BPIFA1: variants seen among roughly 807,000 people sequenced by gnomAD.
BPIFA1 encodes the protein BPI fold-containing family A member 1.
A neutral mutation model predicts 25.1 loss-of-function variants in BPIFA1; 24 were observed. The ratio of observed to expected loss-of-function variants is 0.96; its 90% CI spans 0.69 to 1.35. The LOEUF (loss-of-function observed/expected upper bound fraction) is 1.35, where lower values mean the gene tolerates loss of function less well. Ranked by LOEUF, BPIFA1 falls within the 40% of genes most tolerant of loss-of-function variation. The probability of loss-of-function intolerance (pLI) is 0.00; values close to 1 mark genes in which losing one functional copy is unlikely to be tolerated. For synonymous variants in BPIFA1, 139 were observed against 131.8 expected (o/e 1.05, Z -0.37); for missense variants, 344 against 303.7 (o/e 1.13, Z -0.99).
chr20:33,240,637 T>G (rs1568631663), intron 5 of BPIFA1, among the ~76,000 whole-genome samples: 1 of 138,484 alleles, frequency 7.2e-6, no homozygotes, highest in African/African-American at 2.7e-5. Flanking sequence ...GATGGATGGA[T>G]AGATAGATGA....
In BPIFA1 at chr20:33,242,530, C is replaced by T. The variant is rs757609021; in HGVS notation, c.*3C>T. 4 of 1,614,070 alleles carry T rather than the reference C, an allele frequency of 2.5e-6. No homozygotes were observed. Among genetic ancestry groups the T allele is most frequent in the Non-Finnish European group, 1.7e-6 (2 of 1,179,932 alleles). ...TACAGTTTGTCATCAAGGTCTAAGC[C>T]TTCCAGGAAGGGGCTGGCCTCTGCT... On this transcript the variant is annotated 3_prime_UTR_variant, in exon 8 of 9. Coordinates refer to ENST00000354297, the MANE Select transcript of BPIFA1 (RefSeq NM_130852.3).
intron 8 of BPIFA1, 30 bp downstream of exon 8, chr20:33,242,591 T>C: frequency 6.5e-7 from 1 of 1,533,216 alleles, no homozygotes; most frequent in African/African-American, 1.4e-5. Flanking sequence ...CCCCAGGGTT[T>C]TGGGGGCTGG....
intron 2 of BPIFA1, 29 bp from the exon 3 acceptor site, chr20:33,238,026 C>G (rs1342407707): frequency 6.3e-7 from 1 of 1,597,764 alleles, no homozygotes; most frequent in African/African-American, 1.3e-5. Context: ...TCAGATCTGA[C>G]CCCCAGAGAC....
In BPIFA1 at chr20:33,242,456, C is replaced by G. The variant is rs781338628; in HGVS notation, c.731-31C>G. On this transcript the variant is annotated intron_variant, in intron 7 of 8. Coordinates refer to ENST00000354297, the MANE Select transcript of BPIFA1 (RefSeq NM_130852.3). ...TTCACGTTGAGATCATAACTGTCGT[C>G]TGTTTTTTTATTGCTTGTTTGTTTG... The G allele has an allele frequency of 8.1e-6, 13 of 1,613,116 alleles. No individual in the cohort carries two copies. The East Asian group carries it at 2.9e-4, about 36-fold the overall frequency.
chr20:33,237,593 T>G, intron 1 of BPIFA1, 104 bp from the exon 2 acceptor site: 2 of 906,018 alleles, frequency 2.2e-6, no homozygotes, highest in Non-Finnish European at 3.1e-6. Context: ...GACCCCCTGG[T>G]GTTCTGGGGA....
Position 33,237,784 on chromosome 20 carries a change from C to A in BPIFA1, c.73C>A (p.Pro25Thr), listed in dbSNP as rs1464534523. Residue 25 changes from proline (P) to threonine (T), a missense_variant, in exon 2 of 9, where the codon CCC becomes ACC. Pro to Thr is a conservative substitution (Grantham distance 38). Transcript: ENST00000354297. Reference sequence around the variant, plus strand: ...GACCATGGCCCAGTTTGGAGGCCTGCCCGTGCCCCTGGACCAGACCCTGCC... The same window carrying A: ...GACCATGGCCCAGTTTGGAGGCCTGACCGTGCCCCTGGACCAGACCCTGCC... ...AQTMAQFGGL[P>T]VPLDQTLPLN... 1.3e-6 allele frequency: 2 copies of A among 1,596,922 alleles called. No homozygotes were observed. Among genetic ancestry groups the A allele is most frequent in the Non-Finnish European group, 1.7e-6 (2 of 1,171,234 alleles).
chr20:33,241,101 C>T (rs1978958382), intron 5 of BPIFA1, among the ~76,000 whole-genome samples: 1 of 152,194 alleles, frequency 6.6e-6, no homozygotes, highest in Non-Finnish European at 1.5e-5. Flanking sequence ...CAACTACATA[C>T]TAAGTAGTAT....
chr20:33,239,263 T>C (rs141838996), intron 3 of BPIFA1, among the ~76,000 whole-genome samples: 39 of 152,306 alleles, frequency 2.6e-4, no homozygotes, highest in South Asian at 4.1e-4. Flanking sequence ...TCAATTCCCA[T>C]GATAAACATT....
chr20:33,241,598 T>C, intron 6 of BPIFA1, 129 bp downstream of exon 6: 1 of 795,516 alleles, frequency 1.3e-6, no homozygotes, highest in South Asian at 1.5e-5. Flanking sequence ...AATCTATTTG[T>C]CCATTGATCC....
intron 6 of BPIFA1, 23 bp from the exon 7 acceptor site, chr20:33,242,033 C>G (rs766830392): frequency 3.5e-5 from 57 of 1,611,678 alleles, no homozygotes; most frequent in Non-Finnish European, 4.8e-5. Context: ...CTCTGCCTAA[C>G]TCTCCTCTCT....
intron 8 of BPIFA1, 84 bp downstream of exon 8, chr20:33,242,645 G>C: frequency 2.0e-6 from 2 of 984,138 alleles, no homozygotes; most frequent in East Asian, 4.9e-5. Flanking sequence ...TTGGGACAAT[G>C]ACATCCAAAG....
At position 33,237,759 on chromosome 20, in the gene BPIFA1, G is replaced by A; in HGVS notation, c.48G>A (p.Gln16=). The change falls in exon 2 of 9, where the codon CAG becomes CAA. Residue 16 remains glutamine (Q), a synonymous_variant. Transcript: ENST00000354297. ...GLIVFYGLLA[Q]TMAQFGGLPV... ...TTGTCTTCTACGGGCTGTTAGCCCA[G>A]ACCATGGCCCAGTTTGGAGGCCTGC... 6.4e-7 allele frequency: 1 copy of A among 1,572,400 alleles called. No individual in the cohort carries two copies. Among genetic ancestry groups the A allele is most frequent in the East Asian group, 2.3e-5 (1 of 43,774 alleles).
At chr20:33,241,356 C>A in intron 5 of BPIFA1, 29 bp from the exon 6 acceptor site, 1 of 1,584,212 alleles carries the variant, frequency 6.3e-7, no homozygotes, top group Non-Finnish European at 8.7e-7. Context: ...CTCCAGGTCC[C>A]TGCATCACCC....
chr20:33,237,980 G>C, intron 2 of BPIFA1, 75 bp from the exon 3 acceptor site: 2 of 1,554,884 alleles, frequency 1.3e-6, no homozygotes, highest in Non-Finnish European at 1.7e-6. Context: ...GAGGGACAGG[G>C]CTGGATGGGG....
chr20:33,237,612 C>T, intron 1 of BPIFA1, 85 bp from the exon 2 acceptor site: 1 of 1,192,090 alleles, frequency 8.4e-7, no homozygotes, highest in Non-Finnish European at 1.1e-6. Flanking sequence ...GAGCAAACAA[C>T]CCCACCCCCC....
chr20:33,241,740 T>A (rs1978987429), intron 6 of BPIFA1, among the ~76,000 whole-genome samples: 1 of 152,188 alleles, frequency 6.6e-6, no homozygotes, highest in South Asian at 2.1e-4. Context: ...AAGTTCCCTG[T>A]CCAGCCTTCT....
At chr20:33,239,989 T>A in intron 4 of BPIFA1, 79 bp downstream of exon 4, 3 of 1,466,864 alleles carry the variant, frequency 2.0e-6, no homozygotes, top group South Asian at 2.3e-5. Context: ...ATAACGGGGG[T>A]ATTGGAGTCT....
chr20:33,236,866 A>G (rs1281940175), intron 1 of BPIFA1, among the ~76,000 whole-genome samples: 1 of 152,126 alleles, frequency 6.6e-6, no homozygotes, highest in Non-Finnish European at 1.5e-5. Context: ...TTCTCATGCA[A>G]TGAAGACTTT....
At chr20:33,237,937 T>A in intron 2 of BPIFA1, 66 bp downstream of exon 2, 1 of 1,387,118 alleles carries the variant, frequency 7.2e-7, no homozygotes, top group African/African-American at 1.6e-5. Context: ...TGTGTGTGTG[T>A]GTGTGTGTGT....
Sources: gnomAD v4.1 joint callset for allele counts (sites outside exome capture counted in the v4.1 genomes callset) on GRCh38, gnomAD v4.1.1 for gene constraint, MANE v1.5 for transcripts, NCBI Gene and HGNC (gene_info 2026-07-23, HGNC 2026-07-21) for gene names.